Variants in NYAP2 observed in about 807,000 individuals in gnomAD.
NYAP2 encodes the protein neuronal tyrosine-phosphorylated phosphoinositide-3-kinase adapter 2.
NYAP2 carries 23 observed loss-of-function variants against 50.4 expected under a neutral mutation model. The observed-to-expected ratio is 0.46, with a 90% CI of 0.33 to 0.65. The LOEUF (loss-of-function observed/expected upper bound fraction) is 0.65. Ranked by LOEUF, NYAP2 falls within the 30% of genes least tolerant of loss-of-function variation. The pLI, the probability that NYAP2 is intolerant of heterozygous loss-of-function variation, is 0.02. For missense variants in NYAP2, 885 were observed against 861.0 expected (o/e 1.03, Z -0.35); for synonymous variants, 394 against 365.2 (o/e 1.08, Z -0.90).
intron 3 of NYAP2, among the ~76,000 whole-genome samples, chr2:225,508,402 G>A (rs1690749261): frequency 6.6e-6 from 1 of 152,162 alleles, no homozygotes; most frequent in Admixed American, 6.6e-5. Context: ...CATTTGTCGT[G>A]ATGCCTTCTC....
intron 6 of NYAP2, among the ~76,000 whole-genome samples, chr2:225,633,512 A>G (rs1206445394): frequency 6.6e-6 from 1 of 152,160 alleles, no homozygotes; most frequent in Non-Finnish European, 1.5e-5. Flanking sequence ...AATGTACTTT[A>G]CTCCCACAAA....
At chr2:225,511,373 C>CAGAGAGAGAG (rs67828728) in intron 3 of NYAP2, among the ~76,000 whole-genome samples, 7 of 117,768 alleles carry the variant, frequency 5.9e-5, no homozygotes, top group African/African-American at 2.3e-4. Flanking sequence ...CACACACACA[C>CAGAGAGAGAG]AGAGAGAGAG....
rs114709776 is a variant in NYAP2, at chr2:225,438,084, G to A, written c.221+28983G>A. Among the ~76,000 whole-genome samples, 715 of 152,152 alleles carry A rather than the reference G, an allele frequency of 4.7e-3. 6 individuals are homozygous for A. The highest frequency in any genetic ancestry group is 0.016 in the African/African-American group (666 of 41,494). On this transcript the variant is annotated intron_variant, in intron 3 of 6. Transcript: ENST00000636099. ...TAGCTTGGAACATGATTGTTTTCCT[G>A]TTACAAGGTTAGATGTTGAGTATGT...
At chr2:225,530,313 T>C (rs965209360) in intron 4 of NYAP2, among the ~76,000 whole-genome samples, 6 of 152,132 alleles carry the variant, frequency 3.9e-5, no homozygotes, top group Non-Finnish European at 8.8e-5. Flanking sequence ...CTTAGCTGGC[T>C]ACTGAAAGGC....
chr2:225,583,966 C>T (rs759406146), intron 5 of NYAP2, among the ~76,000 whole-genome samples: 3 of 152,024 alleles, frequency 2.0e-5, no homozygotes, highest in South Asian at 2.1e-4. Flanking sequence ...GGCGCGAACC[C>T]GGGAGGCAGA....
the NYAP2 span, among the ~76,000 whole-genome samples, chr2:225,682,097 C>A: frequency 6.6e-6 from 1 of 152,150 alleles, no homozygotes; most frequent in Non-Finnish European, 1.5e-5. Context: ...TGAGCATGAT[C>A]TTGAGCTTGA....
At chr2:225,577,593 A>G (rs1692189855) in intron 4 of NYAP2, among the ~76,000 whole-genome samples, 2 of 152,110 alleles carry the variant, frequency 1.3e-5, no homozygotes, top group African/African-American at 4.8e-5. Context: ...GTTGAAACAC[A>G]TTTTCATTGT....
intron 3 of NYAP2, among the ~76,000 whole-genome samples, chr2:225,486,167 C>T (rs556748816): frequency 9.3e-4 from 141 of 152,304 alleles, no homozygotes; most frequent in Non-Finnish European, 9.7e-4. Flanking sequence ...AGCCTTCCTT[C>T]TCCTGGCTAT....
At chr2:225,568,092 G>T (rs1466746907) in intron 4 of NYAP2, among the ~76,000 whole-genome samples, 1 of 151,912 alleles carries the variant, frequency 6.6e-6, no homozygotes, top group Admixed American at 6.6e-5. Flanking sequence ...GAGGTTTTTT[G>T]CCAGAAAATG....
chr2:225,618,751 A>G (rs1318711524), intron 5 of NYAP2, among the ~76,000 whole-genome samples: 4 of 152,220 alleles, frequency 2.6e-5, no homozygotes, highest in Non-Finnish European at 4.4e-5. Context: ...GAAGGGCCTG[A>G]TGTCTTAACC....
intron 4 of NYAP2, among the ~76,000 whole-genome samples, chr2:225,569,090 A>C (rs1465332027): frequency 6.6e-6 from 1 of 152,206 alleles, no homozygotes; most frequent in African/African-American, 2.4e-5. Flanking sequence ...AGGGATAGCA[A>C]ATAATTTTTA....
intron 4 of NYAP2, among the ~76,000 whole-genome samples, chr2:225,540,307 T>A (rs1019770910): frequency 1.3e-5 from 2 of 152,222 alleles, no homozygotes; most frequent in Non-Finnish European, 2.9e-5. Context: ...GTTTTCAGGC[T>A]GCTGATGAAT....
chr2:225,464,866 T>C (rs906909834), intron 3 of NYAP2, among the ~76,000 whole-genome samples: 5 of 152,220 alleles, frequency 3.3e-5, no homozygotes, highest in Non-Finnish European at 5.9e-5. Context: ...TTCAGTTTCA[T>C]TTTTATCTGT....
At chr2:225,660,607 TGTGGAAACACAGCATAACACTAG>T in the NYAP2 span, among the ~76,000 whole-genome samples, 1 of 152,152 alleles carries the variant, frequency 6.6e-6, no homozygotes, top group Non-Finnish European at 1.5e-5. Flanking sequence ...CAACTCAGCC[TGTGGAAACACAGCATAACACTAG>T]GTGGATACAT....
chr2:225,457,315 T>C (rs947476266), intron 3 of NYAP2, among the ~76,000 whole-genome samples: 2 of 152,232 alleles, frequency 1.3e-5, no homozygotes, highest in Non-Finnish European at 2.9e-5. Context: ...GGTTTATTTC[T>C]AGAAGGTATG....
At position 225,490,602 on chromosome 2, in the gene NYAP2, A is replaced by G. The variant is rs78526163; in HGVS notation, c.222-22769A>G. Among the ~76,000 whole-genome samples, 16 of 152,282 alleles carry G rather than the reference A, an allele frequency of 1.1e-4. No homozygotes were observed. The East Asian group carries it at 3.1e-3, about 29-fold the overall frequency. On this transcript the variant is annotated intron_variant, in intron 3 of 6. Coordinates refer to ENST00000636099, the Ensembl canonical transcript of NYAP2. ...ATGAGGGAAATGATAAGCAGACTGAAGAAGAGATGTAGCTTGAGAGGATTA... is the reference window on the plus strand; with the variant it reads ...ATGAGGGAAATGATAAGCAGACTGAGGAAGAGATGTAGCTTGAGAGGATTA...
At chr2:225,695,403 GTT>G in the NYAP2 span, among the ~76,000 whole-genome samples, 4 of 151,766 alleles carry the variant, frequency 2.6e-5, no homozygotes, top group African/African-American at 9.7e-5. Flanking sequence ...AAGTTTGGAG[GTT>G]TTGCAATGAT....
intron 3 of NYAP2, among the ~76,000 whole-genome samples, chr2:225,428,269 C>A (rs1240742513): frequency 3.3e-5 from 5 of 152,094 alleles, no homozygotes; most frequent in Non-Finnish European, 5.9e-5. Context: ...TCCCTGCTGG[C>A]CTTTGAGTTC....
chr2:225,625,501 G>A (rs137989798), intron 5 of NYAP2, among the ~76,000 whole-genome samples: 1 of 152,276 alleles, frequency 6.6e-6, no homozygotes, highest in African/African-American at 2.4e-5. Flanking sequence ...TGGTGAATGG[G>A]TGGGAGGGCT....
Sources: allele counts gnomAD v4.1 joint callset (sites outside exome capture counted in the v4.1 genomes callset), GRCh38; gene constraint gnomAD v4.1.1; transcripts MANE v1.5; gene names NCBI Gene and HGNC (gene_info 2026-07-23, HGNC 2026-07-21).